NDUFS2: variants seen among roughly 807,000 people sequenced by gnomAD.
The protein encoded by NDUFS2 is NADH dehydrogenase [ubiquinone] iron-sulfur protein 2, mitochondrial.
Under a neutral mutation model 69.6 loss-of-function variants are expected in NDUFS2, and 38 were observed. That is an observed-to-expected ratio of 0.55 (90% confidence interval 0.42 to 0.72). NDUFS2 has a LOEUF of 0.72. NDUFS2 is among the 30% of genes least tolerant of loss of function. The pLI is 0.00. For synonymous variants in NDUFS2, 194 were observed against 211.2 expected, an observed-to-expected ratio of 0.92 and a Z score of 0.70; for missense variants, 468 against 595.0, an observed-to-expected ratio of 0.79 and a Z score of 2.22.
At position 161,202,377 on chromosome 1, in the gene NDUFS2, C is replaced by T. The variant is rs536564783; in HGVS notation, c.-9C>T. 5.0e-6 allele frequency: 8 copies of T among 1,609,522 alleles called. No individual in the cohort carries two copies. The highest frequency in any genetic ancestry group is 1.7e-4 in the Middle Eastern group (1 of 6,038). ...GGTTCTCCTTCCCGCAGTCTGCAGC[C>T]GGAGTAAGATGGCGGCGCTGAGGGC... On this transcript the variant is annotated 5_prime_UTR_variant, in exon 1 of 14. Transcript: ENST00000676972.
upstream of NDUFS2, chr1:161,197,940 G>A (rs1371216158): frequency 2.6e-6 from 4 of 1,517,408 alleles, no homozygotes; most frequent in East Asian, 2.3e-5. Context: ...ATAGGGGTCA[G>A]TAGGACAGAC....
chr1:161,197,673 G>GGA (rs1213617064), upstream of NDUFS2, among the ~76,000 whole-genome samples: 1 of 152,138 alleles, frequency 6.6e-6, no homozygotes, highest in African/African-American at 2.4e-5. Context: ...GGGGCTGTTA[G>GGA]GAGACCTTTA....
At chr1:161,213,803 C>G in intron 12 of NDUFS2, 61 bp from the exon 13 acceptor site, 1 of 1,612,052 alleles carries the variant, frequency 6.2e-7, no homozygotes, top group Admixed American at 1.7e-5. Context: ...TTTATGAACT[C>G]TTCTTTCTCC....
chr1:161,200,013 C>A (rs1391358539), upstream of NDUFS2, among the ~76,000 whole-genome samples: 2 of 152,070 alleles, frequency 1.3e-5, no homozygotes, highest in Non-Finnish European at 2.9e-5. Flanking sequence ...AGCCAGCCCC[C>A]AGCATAGGCA....
chr1:161,205,561 C>T (rs1399487426), intron 2 of NDUFS2, among the ~76,000 whole-genome samples: 1 of 152,098 alleles, frequency 6.6e-6, no homozygotes, highest in Non-Finnish European at 1.5e-5. Context: ...ACAAATTTGG[C>T]CTCTGTTCCT....
intron 3 of NDUFS2, among the ~76,000 whole-genome samples, chr1:161,207,744 T>G (rs1460667689): frequency 7.0e-6 from 1 of 142,986 alleles, no homozygotes; most frequent in Non-Finnish European, 1.5e-5. Context: ...AAAAAAAGAT[T>G]AAAAAAAAAA....
At chr1:161,205,926 G>C (rs925298649) in intron 2 of NDUFS2, among the ~76,000 whole-genome samples, 2 of 152,264 alleles carry the variant, frequency 1.3e-5, no homozygotes, top group South Asian at 2.1e-4. Context: ...AGCTAAACAG[G>C]CTGGGTTAAA....
chr1:161,210,800 T>C (rs1270106795), intron 9 of NDUFS2, 90 bp downstream of exon 9: 1 of 1,587,326 alleles, frequency 6.3e-7, no homozygotes, highest in East Asian at 2.2e-5. Context: ...ACCCTACTTC[T>C]CAGTGTCTGT....
At chr1:161,203,983 A>G (rs1665320761) in intron 2 of NDUFS2, 1 of 254,018 alleles carries the variant, frequency 3.9e-6, no homozygotes, top group African/African-American at 2.2e-5. Flanking sequence ...TCACCACGAA[A>G]TTCAACAGAC....
intron 9 of NDUFS2, among the ~76,000 whole-genome samples, chr1:161,210,950 C>T (rs1665738511): frequency 6.6e-6 from 1 of 152,248 alleles, no homozygotes; most frequent in Non-Finnish European, 1.5e-5. Flanking sequence ...TCTCGGCTCA[C>T]TGCAACCTCC....
intron 3 of NDUFS2, among the ~76,000 whole-genome samples, chr1:161,207,822 G>GT (rs1195324583): frequency 6.7e-6 from 1 of 148,336 alleles, no homozygotes; most frequent in Non-Finnish European, 1.5e-5. Flanking sequence ...TGTTTGTTTT[G>GT]TTTTTTTCCC....
rs1363518148 is a variant in NDUFS2 at position 161,209,309 on chromosome 1, C to G, written c.510C>G (p.Ile170Met). 6.2e-7 allele frequency: 1 copy of G among 1,614,132 alleles called. No individual in the cohort carries two copies. Among genetic ancestry groups the G allele is most frequent in the South Asian group, 1.1e-5 (1 of 91,080 alleles). Reference sequence around the variant, plus strand: ...GGCCTCCTCCTCGGGCACAGTGGATCCGAGGTATGTCCCCCCAACTTTTTC... The same window carrying G: ...GGCCTCCTCCTCGGGCACAGTGGATGCGAGGTATGTCCCCCCAACTTTTTC... ...NIRPPPRAQW[I>M]RVLFGEITRL... is the part of the protein sequence containing the mutation. The change falls in exon 4 of 14, where the codon ATC becomes ATG. Residue 170 changes from isoleucine to methionine, a missense_variant. By Grantham distance (10) the Ile-to-Met change is conservative (BLOSUM62 1). Coordinates refer to ENST00000676972, the MANE Select transcript of NDUFS2 (RefSeq NM_001377299.1).
chr1:161,211,064 G>C (rs924898069), intron 9 of NDUFS2, among the ~76,000 whole-genome samples: 1 of 152,110 alleles, frequency 6.6e-6, no homozygotes, highest in Non-Finnish European at 1.5e-5. Flanking sequence ...TAGTAGAGAC[G>C]GGATTTCTCC....
upstream of NDUFS2, chr1:161,198,911 G>T: frequency 2.5e-6 from 1 of 393,692 alleles, no homozygotes; most frequent in Non-Finnish European, 4.5e-6. This position sits in a 1 kb window ranked among gnomAD's most constrained non-coding sequence, Gnocchi z 4.7. Context: ...AGCTTCTCTG[G>T]CCTCTCCCTC....
chr1:161,213,806 C>T (rs1665903247), intron 12 of NDUFS2, 58 bp from the exon 13 acceptor site: 6 of 1,612,130 alleles, frequency 3.7e-6, no homozygotes, highest in Non-Finnish European at 5.1e-6. Context: ...ATGAACTCTT[C>T]TTTCTCCTCC....
At chr1:161,202,127 T>C, upstream of NDUFS2, 1 of 555,160 alleles carries the variant, frequency 1.8e-6, no homozygotes, top group Non-Finnish European at 3.3e-6. Context: ...GAACGGCAAT[T>C]TTCCCTTGCT....
intron 9 of NDUFS2, among the ~76,000 whole-genome samples, chr1:161,211,555 A>G (rs1276505248): frequency 6.6e-6 from 1 of 152,032 alleles, no homozygotes; most frequent in Non-Finnish European, 1.5e-5. Context: ...GAGGCTGAGG[A>G]AGGAGAGTTG....
chr1:161,205,092 C>T (rs753172666), intron 2 of NDUFS2, among the ~76,000 whole-genome samples: 51 of 151,928 alleles, frequency 3.4e-4, no homozygotes, highest in African/African-American at 9.9e-4. Flanking sequence ...GATTTGTACT[C>T]GGGTCTGTCA....
Position 161,214,304 on chromosome 1 carries a change from T to TGTGTG in NDUFS2, c.*111_*112insGTGTG. 1 of 1,033,396 alleles carries TGTGTG rather than the reference T, an allele frequency of 9.7e-7. No individual in the cohort carries two copies. Among genetic ancestry groups the TGTGTG allele is most frequent in the Non-Finnish European group, 1.5e-6 (1 of 668,170 alleles). 64.0% of individuals were successfully genotyped at this position (1,033,396 alleles called of 1,614,324 possible). ...GTGTGTGTGTGTGTGTGTGTGTATGTTCATGTACACTTGGCTGTCAGGCTT... is the reference window on the plus strand; with the variant it reads ...GTGTGTGTGTGTGTGTGTGTGTATGTGTGTGTCATGTACACTTGGCTGTCAGGCTT... On this transcript the variant is annotated 3_prime_UTR_variant, in exon 14 of 14. Coordinates refer to ENST00000676972, the MANE Select transcript of NDUFS2 (RefSeq NM_001377299.1).
Sources: allele counts gnomAD v4.1 joint callset (sites outside exome capture counted in the v4.1 genomes callset), GRCh38; gene constraint gnomAD v4.1.1; non-coding constraint Gnocchi (gnomAD v3.1); transcripts MANE v1.5; gene names NCBI Gene and HGNC (gene_info 2026-07-23, HGNC 2026-07-21).